Variants in MYT1L observed in about 807,000 individuals in gnomAD.
MYT1L encodes the protein myelin transcription factor 1 like, also known as myelin transcription factor 1-like protein.
MYT1L carries 12 observed loss-of-function variants against 126.7 expected under a neutral mutation model. The observed-to-expected ratio is 0.09, with a 90% CI of 0.06 to 0.15. MYT1L has a LOEUF of 0.15. MYT1L is among the 10% of genes least tolerant of loss of function. The pLI is 1.00. For synonymous variants in MYT1L, 541 were observed against 604.2 expected (o/e 0.90, Z 1.53); for missense variants, 979 against 1,585.2 (o/e 0.62, Z 6.49).
chr2:2,118,699 T>A (rs2080550840), intron 3 of MYT1L, among the ~76,000 whole-genome samples: 1 of 152,250 alleles, frequency 6.6e-6, no homozygotes. Flanking sequence ...TCATTTTGCT[T>A]GGATTTTTTT....
chr2:2,152,053 CTCAA>C (rs906270634), intron 3 of MYT1L, among the ~76,000 whole-genome samples: 3 of 152,192 alleles, frequency 2.0e-5, no homozygotes, highest in East Asian at 1.9e-4. Flanking sequence ...AAGACTCCAT[CTCAA>C]TCAATCAATC....
intron 3 of MYT1L, among the ~76,000 whole-genome samples, chr2:2,057,123 T>C (rs985305418): frequency 1.3e-5 from 2 of 152,212 alleles, no homozygotes; most frequent in African/African-American, 2.4e-5. Flanking sequence ...TGTGTTCATA[T>C]ATGTGCATGC....
rs569760822 is a variant in MYT1L at position 2,157,190 on chromosome 2, G to A, written c.-304+15682C>T. On this transcript the variant is annotated intron_variant, in intron 3 of 24. Transcript: ENST00000647738. ...TGTCTAAAATTGTAAGAATAATTAC[G>A]TTTTAAGTTTTATCTCAGCCTGTAA... Among the ~76,000 whole-genome samples the A allele has an allele frequency of 5.3e-5, 8 of 152,046 alleles. No individual in the cohort carries two copies. In the East Asian group the frequency reaches 5.8e-4, roughly 11 times the overall value.
intron 2 of MYT1L, among the ~76,000 whole-genome samples, chr2:2,275,245 T>TGTGTGC (rs1491327313): frequency 1.4e-5 from 2 of 148,020 alleles, no homozygotes; most frequent in Non-Finnish European, 3.0e-5. Context: ...TGTGTGTGTG[T>TGTGTGC]GCATGCCTGT....
At chr2:2,141,031 C>T (rs992229349) in intron 3 of MYT1L, among the ~76,000 whole-genome samples, 5 of 151,962 alleles carry the variant, frequency 3.3e-5, no homozygotes, top group African/African-American at 4.8e-5. Flanking sequence ...ATTCCAATAC[C>T]GCTTGTTTTC....
intron 8 of MYT1L, among the ~76,000 whole-genome samples, chr2:1,958,876 C>T (rs2058732493): frequency 6.6e-6 from 1 of 152,206 alleles, no homozygotes; most frequent in Admixed American, 6.5e-5. Flanking sequence ...TCAGCCGGCC[C>T]ACCCGACTGC....
intron 2 of MYT1L, among the ~76,000 whole-genome samples, chr2:2,226,475 G>A (rs771560237): frequency 6.6e-5 from 10 of 151,878 alleles, no homozygotes; most frequent in South Asian, 2.1e-4. Context: ...CCTGGATCCC[G>A]TCCACCCTGG....
intron 8 of MYT1L, among the ~76,000 whole-genome samples, chr2:1,958,871 C>T (rs868588393): frequency 3.9e-5 from 6 of 152,034 alleles, no homozygotes; most frequent in Non-Finnish European, 5.9e-5. Flanking sequence ...GGGGCTCAGC[C>T]GGCCCACCCG....
At chr2:1,831,733 C>G (rs1035568035) in intron 21 of MYT1L, among the ~76,000 whole-genome samples, 1 of 152,146 alleles carries the variant, frequency 6.6e-6, no homozygotes, top group African/African-American at 2.4e-5. Flanking sequence ...TTCTGCACAT[C>G]ATGGCGCCTG....
At chr2:2,217,866 TA>T (rs1360570436) in intron 2 of MYT1L, among the ~76,000 whole-genome samples, 15 of 152,118 alleles carry the variant, frequency 9.9e-5, no homozygotes, top group Admixed American at 8.5e-4. Flanking sequence ...TCTCGAAACT[TA>T]ATGATAACAA....
chr2:1,867,732 G>GT (rs891406914), intron 18 of MYT1L, among the ~76,000 whole-genome samples: 1 of 152,142 alleles, frequency 6.6e-6, no homozygotes, highest in Non-Finnish European at 1.5e-5. Context: ...TGCAATGAAA[G>GT]TTTGCCGATT....
At chr2:2,294,789 C>A (rs1423507415) in intron 1 of MYT1L, among the ~76,000 whole-genome samples, 1 of 152,170 alleles carries the variant, frequency 6.6e-6, no homozygotes, top group Non-Finnish European at 1.5e-5. Context: ...TATTAAGTAT[C>A]TGTTGAAAGC....
At chr2:2,030,094 T>C (rs1474361967) in intron 4 of MYT1L, among the ~76,000 whole-genome samples, 1 of 152,050 alleles carries the variant, frequency 6.6e-6, no homozygotes, top group East Asian at 1.9e-4. Flanking sequence ...TTTTGTTTGT[T>C]TGTTTAGTTT....
intron 3 of MYT1L, among the ~76,000 whole-genome samples, chr2:2,132,987 C>A (rs1298057193): frequency 6.6e-6 from 1 of 152,044 alleles, no homozygotes; most frequent in African/African-American, 2.4e-5. Context: ...TTTTCATATT[C>A]ACTGACAATT....
chr2:1,970,073 T>C (rs758624842), intron 8 of MYT1L, among the ~76,000 whole-genome samples: 2 of 152,172 alleles, frequency 1.3e-5, no homozygotes, highest in African/African-American at 2.4e-5. Flanking sequence ...AGGAAGAGAA[T>C]ATGGAAATTG....
intron 9 of MYT1L, among the ~76,000 whole-genome samples, chr2:1,932,845 T>G (rs1332283090): frequency 6.6e-6 from 1 of 151,724 alleles, no homozygotes; most frequent in Non-Finnish European, 1.5e-5. Flanking sequence ...GAAGGGCAGG[T>G]GGAGGGCTGG....
chr2:2,321,591 T>G (rs2149696634), intron 1 of MYT1L, among the ~76,000 whole-genome samples: 1 of 152,222 alleles, frequency 6.6e-6, no homozygotes, highest in South Asian at 2.1e-4. Flanking sequence ...AAAACCATTC[T>G]GTTGAGGGCC....
In MYT1L at chr2:1,801,251, C is replaced by G. The variant is rs1409256697; in HGVS notation, c.3276+445G>C. ...ATCCCCAGGCTCTGCAGCTGCAAGT[C>G]ACTGGGGCCACTTCCCCAAATCCCA... On this transcript the variant is annotated intron_variant, in intron 23 of 24. Coordinates refer to ENST00000647738, the MANE Select transcript of MYT1L (RefSeq NM_001303052.2). This position sits in a 1 kb window ranked among gnomAD's most constrained non-coding sequence, Gnocchi z 4.2. 6.4e-6 allele frequency: 1 copy of G among 155,444 alleles called. No individual in the cohort carries two copies. The highest frequency in any genetic ancestry group is 2.4e-5 in the African/African-American group (1 of 41,500). The allele number at this position is 155,444 out of a possible 1,614,324, so 9.6% of individuals were successfully genotyped here.
intron 1 of MYT1L, among the ~76,000 whole-genome samples, chr2:2,289,273 A>T (rs2095564879): frequency 6.6e-6 from 1 of 152,184 alleles, no homozygotes; most frequent in South Asian, 2.1e-4. Context: ...ATGTTGGCCA[A>T]AAAGCTTTCT....
Sources: allele counts gnomAD v4.1 joint callset (sites outside exome capture counted in the v4.1 genomes callset), GRCh38; gene constraint gnomAD v4.1.1; non-coding constraint Gnocchi (gnomAD v3.1); transcripts MANE v1.5; gene names NCBI Gene and HGNC (gene_info 2026-07-23, HGNC 2026-07-21).